ZFHX3: variants seen among roughly 807,000 people sequenced by gnomAD.
ZFHX3 encodes zinc finger homeobox 3, also known as zinc finger homeobox protein 3.
A neutral mutation model predicts 279.1 loss-of-function variants in ZFHX3; 42 were observed. That is an observed-to-expected ratio of 0.15 (90% confidence interval 0.12 to 0.19). The LOEUF (loss-of-function observed/expected upper bound fraction) is 0.19, where lower values mean the gene tolerates loss of function less well. Ranked by LOEUF, ZFHX3 falls within the 10% of genes least tolerant of loss-of-function variation. The probability of loss-of-function intolerance (pLI) is 1.00; values close to 1 mark genes in which losing one functional copy is unlikely to be tolerated. For synonymous variants in ZFHX3, 2,293 were observed against 1,957.8 expected, an observed-to-expected ratio of 1.17 and a Z score of -4.52; for missense variants, 4,981 against 4,754.0, an observed-to-expected ratio of 1.05 and a Z score of -1.40.
intron 3 of ZFHX3, among the ~76,000 whole-genome samples, chr16:73,455,182 C>T (rs2018350937): frequency 6.6e-6 from 1 of 152,192 alleles, no homozygotes; most frequent in Non-Finnish European, 1.5e-5. Flanking sequence ...TCATACCAGC[C>T]ACACCTGCTT....
rs1364779033 is a variant in ZFHX3, at chr16:72,787,707, G to C, written c.10569C>G (p.Gly3523=). The change falls in exon 10 of 10, where the codon GGC becomes GGG. Residue 3523 remains glycine, a synonymous_variant. Transcript: ENST00000268489. ...SGGGGGGGGG[G]GGGGSYHCLA... ...GGCAGTGGTACGAGCCGCCGCCGCC[G>C]CCGCCGCCGCCACCGCCGCCGCCGC... The C allele has an allele frequency of 3.6e-6, 5 of 1,399,852 alleles. No homozygotes were observed. The highest frequency in any genetic ancestry group is 4.7e-6 in the Non-Finnish European group (5 of 1,070,102). 86.7% of individuals were successfully genotyped at this position (1,399,852 alleles called of 1,614,324 possible).
intron 2 of ZFHX3, among the ~76,000 whole-genome samples, chr16:73,597,046 A>G (rs1414806014): frequency 6.6e-6 from 1 of 152,200 alleles, no homozygotes; most frequent in Non-Finnish European, 1.5e-5. Context: ...GATACTGTTC[A>G]TCACCATATG....
intron 8 of ZFHX3, among the ~76,000 whole-genome samples, chr16:73,088,525 TA>T (rs752669161): frequency 1.6e-4 from 24 of 152,254 alleles, no homozygotes; most frequent in Non-Finnish European, 2.8e-4. Context: ...AGAAACCACC[TA>T]AATGAATTCT....
intron 5 of ZFHX3, among the ~76,000 whole-genome samples, chr16:72,815,818 A>T (rs372344296): frequency 6.6e-6 from 1 of 152,242 alleles, no homozygotes; most frequent in East Asian, 1.9e-4. Flanking sequence ...TTTGGTTTAC[A>T]TCGGCAACAA....
chr16:73,308,173 G>T (rs76936074), intron 4 of ZFHX3, among the ~76,000 whole-genome samples: 2 of 139,424 alleles, frequency 1.4e-5, no homozygotes, highest in African/African-American at 2.7e-5. Flanking sequence ...TTTAGGTTTG[G>T]CTGTCTACCT....
chr16:73,442,035 G>C (rs541953348), intron 3 of ZFHX3, among the ~76,000 whole-genome samples: 9 of 152,268 alleles, frequency 5.9e-5, no homozygotes, highest in Admixed American at 2.0e-4. Context: ...CCCTTCTCCA[G>C]AGAGACCTGG....
chr16:73,461,287 A>G (rs1350358245), intron 2 of ZFHX3, among the ~76,000 whole-genome samples: 2 of 152,122 alleles, frequency 1.3e-5, no homozygotes, highest in Non-Finnish European at 2.9e-5. Context: ...AGTGTTCTTT[A>G]TATAGTCTAA....
At chr16:73,686,762 C>T (rs945748395) in intron 1 of ZFHX3, among the ~76,000 whole-genome samples, 3 of 151,922 alleles carry the variant, frequency 2.0e-5, no homozygotes. Flanking sequence ...ACTAGAATAG[C>T]TACTCAGTTT....
chr16:73,771,281 G>A (rs2054014546), intron 1 of ZFHX3, among the ~76,000 whole-genome samples: 1 of 152,138 alleles, frequency 6.6e-6, no homozygotes, highest in Non-Finnish European at 1.5e-5. Context: ...GTTTCCAAGT[G>A]GTACTACAGG....
At chr16:73,667,131 A>G (rs973060752) in intron 2 of ZFHX3, among the ~76,000 whole-genome samples, 1 of 152,068 alleles carries the variant, frequency 6.6e-6, no homozygotes, top group African/African-American at 2.4e-5. Flanking sequence ...AGCTGGGATT[A>G]CAGGTGCCCG....
At chr16:73,347,742 G>A (rs1017444543) in intron 3 of ZFHX3, among the ~76,000 whole-genome samples, 1 of 152,258 alleles carries the variant, frequency 6.6e-6, no homozygotes, top group African/African-American at 2.4e-5. Flanking sequence ...GCAGGCAGCT[G>A]TGGCTGCATC....
At chr16:72,885,800 CAGAA>C (rs916358193) in intron 4 of ZFHX3, among the ~76,000 whole-genome samples, 8 of 152,162 alleles carry the variant, frequency 5.3e-5, no homozygotes, top group Non-Finnish European at 1.0e-4. Flanking sequence ...AGGATGATGA[CAGAA>C]AGCCAGAACT....
intron 1 of ZFHX3, among the ~76,000 whole-genome samples, chr16:73,823,330 C>T (rs1372165741): frequency 1.3e-5 from 2 of 152,164 alleles, no homozygotes; most frequent in African/African-American, 4.8e-5. Context: ...AAAAGAAAAG[C>T]CTGATTAGAG....
chr16:73,269,641 T>TAC (rs1567435682), intron 4 of ZFHX3, among the ~76,000 whole-genome samples: 1 of 152,214 alleles, frequency 6.6e-6, no homozygotes, highest in Non-Finnish European at 1.5e-5. Flanking sequence ...TTTGTTTGGG[T>TAC]ATATGTTTTT....
chr16:72,896,986 G>A (rs2038916533), intron 3 of ZFHX3, among the ~76,000 whole-genome samples: 1 of 152,370 alleles, frequency 6.6e-6, no homozygotes, highest in South Asian at 2.1e-4. Context: ...GGCACACACG[G>A]CAACTCCATT....
intron 3 of ZFHX3, among the ~76,000 whole-genome samples, chr16:73,423,584 G>A (rs561796927): frequency 6.6e-5 from 10 of 152,306 alleles, no homozygotes; most frequent in African/African-American, 2.4e-4. Context: ...GAAATTGGCT[G>A]GGCACAGTGG....
chr16:73,649,826 C>T (rs75212070), intron 2 of ZFHX3, among the ~76,000 whole-genome samples: 3,213 of 152,108 alleles, frequency 0.021, 110 homozygotes, highest in African/African-American at 0.074. Flanking sequence ...TCATAAGAGT[C>T]CAAAGGCCAA....
intron 3 of ZFHX3, among the ~76,000 whole-genome samples, chr16:73,329,030 A>C (rs2015747548): frequency 6.6e-6 from 1 of 152,244 alleles, no homozygotes; most frequent in South Asian, 2.1e-4. Context: ...TCACAGGTAC[A>C]TTCAGTTCAG....
intron 1 of ZFHX3, among the ~76,000 whole-genome samples, chr16:73,810,029 A>G (rs1395061952): frequency 6.6e-6 from 1 of 152,182 alleles, no homozygotes; most frequent in African/African-American, 2.4e-5. Context: ...CAAATCTAGA[A>G]TGTGAACGTT....
Sources: gnomAD v4.1 joint callset for allele counts (sites outside exome capture counted in the v4.1 genomes callset) on GRCh38, gnomAD v4.1.1 for gene constraint, MANE v1.5 for transcripts, NCBI Gene and HGNC (gene_info 2026-07-23, HGNC 2026-07-21) for gene names.